ZNF385D: variants seen among roughly 807,000 people sequenced by gnomAD.
ZNF385D encodes zinc finger protein 659.
A neutral mutation model predicts 35.8 loss-of-function variants in ZNF385D; 15 were observed. That is an observed-to-expected ratio of 0.42 (90% CI 0.28 to 0.64). ZNF385D has a LOEUF of 0.64. Ranked by LOEUF, ZNF385D falls within the 30% of genes least tolerant of loss-of-function variation. The pLI, the probability that ZNF385D is intolerant of heterozygous loss-of-function variation, is 0.23. For missense variants in ZNF385D, 474 were observed against 494.6 expected, an observed-to-expected ratio of 0.96 and a Z score of 0.39; for synonymous variants, 212 against 186.8, an observed-to-expected ratio of 1.13 and a Z score of -1.10.
At chr3:22,266,363 C>T (rs1700895480) in intron 2 of ZNF385D, among the ~76,000 whole-genome samples, 1 of 151,840 alleles carries the variant, frequency 6.6e-6, no homozygotes, top group East Asian at 1.9e-4. Context: ...AATGTAGAAG[C>T]AAAATTAACT....
intron 1 of ZNF385D, among the ~76,000 whole-genome samples, chr3:21,731,642 C>T (rs1420734406): frequency 6.6e-6 from 1 of 152,150 alleles, no homozygotes. Context: ...TGCTAAAAAT[C>T]CTCTGTGTTC....
chr3:21,626,138 C>T (rs376408040), intron 2 of ZNF385D, among the ~76,000 whole-genome samples: 1 of 152,072 alleles, frequency 6.6e-6, no homozygotes, highest in Non-Finnish European at 1.5e-5. Flanking sequence ...AAGTCCAAAG[C>T]TCTTGTTCTA....
At chr3:22,136,875 G>C (rs188722909) in intron 3 of ZNF385D, among the ~76,000 whole-genome samples, 3 of 152,028 alleles carry the variant, frequency 2.0e-5, no homozygotes, top group Admixed American at 6.6e-5. Context: ...GTGACATTAC[G>C]GAAAAGGCAA....
chr3:22,015,814 T>C (rs575965536), intron 3 of ZNF385D, among the ~76,000 whole-genome samples: 13 of 152,130 alleles, frequency 8.5e-5, no homozygotes, highest in Non-Finnish European at 1.9e-4. Flanking sequence ...GCTTATGCTT[T>C]TGATGTTTGA....
chr3:22,199,450 T>C (rs983334635), intron 2 of ZNF385D, among the ~76,000 whole-genome samples: 7 of 152,046 alleles, frequency 4.6e-5, no homozygotes, highest in Non-Finnish European at 1.0e-4. Flanking sequence ...AACAACAAGA[T>C]GTTAGGCCAT....
chr3:21,974,327 G>A (rs1703459589), intron 3 of ZNF385D, among the ~76,000 whole-genome samples: 1 of 151,982 alleles, frequency 6.6e-6, no homozygotes, highest in Non-Finnish European at 1.5e-5. Flanking sequence ...ATGGGGAAAG[G>A]ACAATATCTT....
At chr3:21,458,803 A>T (rs1308879891) in intron 4 of ZNF385D, among the ~76,000 whole-genome samples, 2 of 82,852 alleles carry the variant, frequency 2.4e-5, no homozygotes, top group African/African-American at 9.9e-5. Flanking sequence ...GAGTCCATGG[A>T]TAATGCGGGG....
At chr3:22,202,314 G>C (rs1370146383) in intron 2 of ZNF385D, among the ~76,000 whole-genome samples, 3 of 152,038 alleles carry the variant, frequency 2.0e-5, no homozygotes, top group African/African-American at 7.2e-5. Flanking sequence ...GCATTTTCTA[G>C]GAAGTGTTCA....
intron 2 of ZNF385D, among the ~76,000 whole-genome samples, chr3:21,636,313 G>C (rs1462256949): frequency 1.5e-5 from 2 of 130,932 alleles, no homozygotes; most frequent in East Asian, 2.2e-4. Flanking sequence ...GAGATATATA[G>C]ATATAGATAT....
intron 3 of ZNF385D, among the ~76,000 whole-genome samples, chr3:21,518,048 T>C (rs1707687457): frequency 6.6e-6 from 1 of 152,162 alleles, no homozygotes; most frequent in African/African-American, 2.4e-5. Context: ...TTTGGTTAAC[T>C]CTAAAGTTTA....
intron 3 of ZNF385D, among the ~76,000 whole-genome samples, chr3:22,010,304 C>A (rs73048190): frequency 0.16 from 25,052 of 152,132 alleles, 2,212 homozygotes; most frequent in Non-Finnish European, 0.19. Context: ...TGGAATACTT[C>A]GGAAATTTAC....
At chr3:22,349,259 G>A (rs1695806857) in intron 2 of ZNF385D, among the ~76,000 whole-genome samples, 1 of 152,162 alleles carries the variant, frequency 6.6e-6, no homozygotes, top group African/African-American at 2.4e-5. Context: ...AATAGTAGCA[G>A]CAGCAGAAGA....
intron 2 of ZNF385D, among the ~76,000 whole-genome samples, chr3:22,228,898 C>G (rs929627316): frequency 6.6e-6 from 1 of 152,198 alleles, no homozygotes. Flanking sequence ...AGCTTTTGGA[C>G]TCTTGGACCT....
chr3:22,153,636 G>A (rs569426101), intron 3 of ZNF385D, among the ~76,000 whole-genome samples: 12 of 151,766 alleles, frequency 7.9e-5, no homozygotes, highest in Non-Finnish European at 1.6e-4. Flanking sequence ...GATGATTTTT[G>A]TATTTTTAGT....
chr3:22,261,376 G>A (rs1470787008), intron 2 of ZNF385D, among the ~76,000 whole-genome samples: 1 of 151,990 alleles, frequency 6.6e-6, no homozygotes, highest in Admixed American at 6.6e-5. Flanking sequence ...TGTGGCATTA[G>A]GATTGAGAAG....
chr3:22,067,213 A>T (rs948877520), intron 3 of ZNF385D, among the ~76,000 whole-genome samples: 3 of 152,230 alleles, frequency 2.0e-5, no homozygotes, highest in Non-Finnish European at 4.4e-5. Flanking sequence ...CACTGGCTTC[A>T]AATTTATCCA....
At chr3:21,974,254 C>A (rs1402584972) in intron 3 of ZNF385D, among the ~76,000 whole-genome samples, 1 of 151,824 alleles carries the variant, frequency 6.6e-6, no homozygotes, top group Non-Finnish European at 1.5e-5. Flanking sequence ...GAATAGAGAA[C>A]CCAGAAATAA....
intron 3 of ZNF385D, among the ~76,000 whole-genome samples, chr3:21,828,309 A>G (rs1007117295): frequency 6.6e-6 from 1 of 152,316 alleles, no homozygotes; most frequent in Admixed American, 6.5e-5. Flanking sequence ...TTTCAGGGAA[A>G]TAGGTGTTCA....
intron 1 of ZNF385D, among the ~76,000 whole-genome samples, chr3:21,666,172 C>T (rs185192020): frequency 3.2e-4 from 49 of 152,340 alleles, no homozygotes; most frequent in Non-Finnish European, 6.2e-4. Flanking sequence ...CAACTGCACA[C>T]AGAACATCAT....
Sources: allele counts gnomAD v4.1 joint callset (sites outside exome capture counted in the v4.1 genomes callset), GRCh38; gene constraint gnomAD v4.1.1; transcripts MANE v1.5; gene names NCBI Gene and HGNC (gene_info 2026-07-23, HGNC 2026-07-21).